Variants in RYR2 observed in about 807,000 individuals in gnomAD.
RYR2 encodes the protein cardiac muscle ryanodine receptor-calcium release channel.
Under a neutral mutation model 601.1 loss-of-function variants are expected in RYR2, and 227 were observed. That is an observed-to-expected ratio of 0.38 (90% CI 0.34 to 0.42). The LOEUF (loss-of-function observed/expected upper bound fraction) is 0.42, where lower values mean the gene tolerates loss of function less well. RYR2 is among the 10% of genes least tolerant of loss of function. RYR2 has a pLI of 1.00. For missense variants in RYR2, 4,646 were observed against 6,156.5 expected, an observed-to-expected ratio of 0.75 and a Z score of 8.21; for synonymous variants, 2,223 against 2,175.1, an observed-to-expected ratio of 1.02 and a Z score of -0.61.
At chr1:237,144,085 C>T (rs1041930441) in intron 1 of RYR2, among the ~76,000 whole-genome samples, 6 of 151,494 alleles carry the variant, frequency 4.0e-5, no homozygotes, top group South Asian at 2.1e-4. Context: ...GCTGAGACTG[C>T]GCCACTGCAC....
intron 2 of RYR2, among the ~76,000 whole-genome samples, chr1:237,326,681 A>T (rs1450425493): frequency 6.6e-6 from 1 of 152,234 alleles, no homozygotes; most frequent in Non-Finnish European, 1.5e-5. Context: ...TTCACATTGA[A>T]GTTCTAAAAA....
At chr1:237,262,533 A>G (rs747313626) in intron 1 of RYR2, among the ~76,000 whole-genome samples, 3 of 152,128 alleles carry the variant, frequency 2.0e-5, no homozygotes, top group Non-Finnish European at 4.4e-5. Context: ...CTGAGATTAT[A>G]GGCATGAGCC....
chr1:237,625,770 A>C lies in RYR2; in HGVS notation c.6132A>C (p.Ala2044=). The C allele has an allele frequency of 6.2e-7, 1 of 1,613,854 alleles. No individual in the cohort carries two copies. Among genetic ancestry groups the C allele is most frequent in the Non-Finnish European group, 8.5e-7 (1 of 1,179,834 alleles). Residue 2044 remains alanine (A), a synonymous_variant, in exon 40 of 105, where the codon GCA becomes GCC. Transcript: ENST00000366574. ...TGACATATCTGAAGAAGAAGCAAGC[A>C]GAAAAACCAGTTGAGAGTGACTCCA... is the stretch of plus-strand genomic sequence containing the variant. The part of the protein sequence containing the change: ...EKVTYLKKKQ[A]EKPVESDSKK...
chr1:237,302,511 G>C (rs962133898), intron 2 of RYR2, among the ~76,000 whole-genome samples: 3 of 152,142 alleles, frequency 2.0e-5, no homozygotes, highest in African/African-American at 7.2e-5. Flanking sequence ...TCCTAGAATA[G>C]GTTAGTTGTA....
intron 3 of RYR2, among the ~76,000 whole-genome samples, chr1:237,335,695 C>G (rs1697182029): frequency 6.6e-6 from 1 of 152,066 alleles, no homozygotes; most frequent in Non-Finnish European, 1.5e-5. Context: ...GTAGATTGAA[C>G]TAGAGAAAAA....
chr1:237,697,102 G>A (rs539984620), intron 63 of RYR2, among the ~76,000 whole-genome samples: 3 of 151,338 alleles, frequency 2.0e-5, no homozygotes, highest in Non-Finnish European at 4.4e-5. Flanking sequence ...CTTTCCTCTT[G>A]CTCTGACTCC....
At position 237,832,760 on chromosome 1, in the gene RYR2, T is replaced by G. The variant is rs2102969612; in HGVS notation, c.*113T>G. The G allele has an allele frequency of 3.4e-6, 2 of 586,494 alleles. No homozygotes were observed. Among genetic ancestry groups the G allele is most frequent in the Non-Finnish European group, 6.0e-6 (2 of 332,610 alleles). 36.3% of individuals were successfully genotyped at this position (586,494 alleles called of 1,614,324 possible). On this transcript the variant is annotated 3_prime_UTR_variant, in exon 105 of 105. Coordinates refer to ENST00000366574, the MANE Select transcript of RYR2 (RefSeq NM_001035.3). Reference sequence around the variant, plus strand: ...GATTTTGTGAATTGCCAGCGTTGTGTGTTTTCTGGGAGCATCGAAGCTCTG... The same window carrying G: ...GATTTTGTGAATTGCCAGCGTTGTGGGTTTTCTGGGAGCATCGAAGCTCTG...
intron 1 of RYR2, among the ~76,000 whole-genome samples, chr1:237,195,348 C>T (rs1015553901): frequency 2.0e-5 from 3 of 152,104 alleles, no homozygotes; most frequent in South Asian, 2.1e-4. Context: ...CCGCCTCCCA[C>T]GTTCAAGTGA....
intron 25 of RYR2, among the ~76,000 whole-genome samples, chr1:237,532,999 T>C (rs1218264167): frequency 5.9e-5 from 9 of 152,220 alleles, no homozygotes; most frequent in Non-Finnish European, 2.9e-5. Flanking sequence ...AGCTAGATGA[T>C]AGACAGATAG....
At chr1:237,277,277 C>A (rs976983564) in intron 2 of RYR2, among the ~76,000 whole-genome samples, 1 of 152,172 alleles carries the variant, frequency 6.6e-6, no homozygotes, top group African/African-American at 2.4e-5. Context: ...TGTGCACACA[C>A]ACGCTTCAGT....
At chr1:237,154,198 G>C (rs1472803232) in intron 1 of RYR2, among the ~76,000 whole-genome samples, 1 of 152,098 alleles carries the variant, frequency 6.6e-6, no homozygotes, top group Non-Finnish European at 1.5e-5. Flanking sequence ...TAAGATTCTG[G>C]GCTTCTCTTC....
chr1:237,075,056 G>C (rs140159282), intron 1 of RYR2, among the ~76,000 whole-genome samples: 1 of 152,112 alleles, frequency 6.6e-6, no homozygotes, highest in Non-Finnish European at 1.5e-5. Context: ...AGACCCAAGC[G>C]CTGAACCCAC....
chr1:237,400,165 G>A (rs1047720059), intron 10 of RYR2, among the ~76,000 whole-genome samples: 2 of 152,104 alleles, frequency 1.3e-5, no homozygotes, highest in Non-Finnish European at 2.9e-5. Flanking sequence ...TTACTATAGA[G>A]GAAACTAGAC....
intron 58 of RYR2, 69 bp downstream of exon 58, chr1:237,668,027 C>A: frequency 2.5e-6 from 3 of 1,201,592 alleles, no homozygotes; most frequent in South Asian, 2.9e-5. Context: ...TGGATGAAGT[C>A]GTCTTCAGCA....
rs1233211354 is a variant in RYR2 at position 237,423,210 on chromosome 1, G to T, written c.967G>T (p.Asp323Tyr). ...NLLLMDKEKA[D>Y]VKSTAFTFRS... ...TCTACTCATGGACAAAGAGAAAGCT[G>T]ATGTAAAATCAACAGCATTTACCTT... Residue 323 changes from aspartate to tyrosine, a missense_variant, in exon 12 of 105, where the codon GAT becomes TAT. Transcript: ENST00000366574. 6.2e-7 allele frequency: 1 copy of T among 1,613,682 alleles called. No homozygotes were observed. Among genetic ancestry groups the T allele is most frequent in the South Asian group, 1.1e-5 (1 of 91,018 alleles).
At chr1:237,402,289 A>G (rs1703418543) in intron 10 of RYR2, among the ~76,000 whole-genome samples, 1 of 151,752 alleles carries the variant, frequency 6.6e-6, no homozygotes, top group Admixed American at 6.6e-5. Context: ...GAGTATAGCA[A>G]GTATGGAGGA....
Position 237,640,982 on chromosome 1 carries a change from C to A in RYR2, c.7201C>A (p.Arg2401Ser). ...TTCAGCTTTGATTGACCTCTTGGGA[C>A]GCTGTGCTCCTGAGATGCATGTGAG... ...FYSALIDLLG[R>S]CAPEMHLIHA... The change falls in exon 47 of 105, where the codon CGC becomes AGC. Residue 2401 changes from arginine (R) to serine (S), a missense_variant. Around this residue, in one of 17 missense-constraint regions of RYR2, gnomAD observed 1,497 missense variants for 1,842.6 expected, o/e 0.81. Coordinates refer to ENST00000366574, the MANE Select transcript of RYR2 (RefSeq NM_001035.3). The A allele has an allele frequency of 6.2e-7, 1 of 1,612,304 alleles. No individual in the cohort carries two copies. The highest frequency in any genetic ancestry group is 8.5e-7 in the Non-Finnish European group (1 of 1,179,096).
intron 1 of RYR2, among the ~76,000 whole-genome samples, chr1:237,210,578 G>A (rs144040826): frequency 6.6e-4 from 100 of 152,232 alleles, no homozygotes; most frequent in African/African-American, 2.2e-3. Context: ...TTCTGTCTCT[G>A]CCATTCCATT....
intron 32 of RYR2, among the ~76,000 whole-genome samples, 174 bp downstream of exon 32, chr1:237,592,027 G>A (rs1282475509): frequency 6.6e-6 from 1 of 152,084 alleles, no homozygotes; most frequent in Non-Finnish European, 1.5e-5. Context: ...GTATTATGAT[G>A]GATATTATGC....
Sources: gnomAD v4.1 joint callset for allele counts (sites outside exome capture counted in the v4.1 genomes callset) on GRCh38, gnomAD v4.1.1 for gene constraint, gnomAD v4.1.1 regional missense constraint, MANE v1.5 for transcripts, NCBI Gene and HGNC (gene_info 2026-07-23, HGNC 2026-07-21) for gene names.